TBC1D1: variants seen among roughly 807,000 people sequenced by gnomAD.
TBC1D1 encodes TBC1 (tre-2/USP6, BUB2, cdc16) domain family, member 1.
A neutral mutation model predicts 125.6 loss-of-function variants in TBC1D1; 89 were observed. The ratio of observed to expected loss-of-function variants is 0.71; its 90% CI spans 0.60 to 0.85. The LOEUF (loss-of-function observed/expected upper bound fraction) is 0.85. TBC1D1 is among the 40% of genes least tolerant of loss of function. The pLI is 0.00. For missense variants in TBC1D1, 1,377 were observed against 1,469.2 expected (o/e 0.94, Z 1.03); for synonymous variants, 565 against 564.1 (o/e 1.00, Z -0.02).
intron 2 of TBC1D1, among the ~76,000 whole-genome samples, chr4:37,984,818 G>A (rs1033596330): frequency 1.1e-4 from 16 of 150,840 alleles, no homozygotes; most frequent in Admixed American, 3.3e-4. Context: ...ACTTAGCCTG[G>A]GTGACAGAGT....
At chr4:37,960,585 G>A (rs748044393) in intron 2 of TBC1D1, 9 of 1,613,992 alleles carry the variant, frequency 5.6e-6, no homozygotes, top group African/African-American at 5.3e-5. Flanking sequence ...CAAAACATAC[G>A]ATGCTCCATC....
intron 12 of TBC1D1, among the ~76,000 whole-genome samples, chr4:38,065,960 T>A (rs1753661159): frequency 6.6e-6 from 1 of 152,212 alleles, no homozygotes. Context: ...TTACTGCCCA[T>A]CTTTTAAGAG....
At chr4:38,020,764 C>A in intron 5 of TBC1D1, 69 bp downstream of exon 5, 2 of 1,391,308 alleles carry the variant, frequency 1.4e-6, no homozygotes, top group Admixed American at 3.4e-5. Context: ...ACTGATTTTT[C>A]TGTCCTTAGG....
Position 38,067,221 on chromosome 4 carries a change from C to G in TBC1D1, c.2050+12883C>G, listed in dbSNP as rs1753901321. Among the ~76,000 whole-genome samples, 3 of 152,112 alleles carry G rather than the reference C, an allele frequency of 2.0e-5. No individual in the cohort carries two copies. In the South Asian group the frequency reaches 6.2e-4, roughly 32 times the overall value. The stretch of plus-strand genomic sequence containing the variant: ...AAAGTAGGAACGTGGTAATTATGGT[C>G]TTATATAATTCTGAAAATGATTTCT... On this transcript the variant is annotated intron_variant, in intron 12 of 19. Transcript: ENST00000261439.
chr4:38,009,517 A>G (rs997904870), intron 2 of TBC1D1, among the ~76,000 whole-genome samples: 1 of 152,252 alleles, frequency 6.6e-6, no homozygotes, highest in African/African-American at 2.4e-5. Flanking sequence ...TTACACTTGC[A>G]GTGTATTTAT....
intron 1 of TBC1D1, among the ~76,000 whole-genome samples, chr4:37,893,695 A>C (rs1409896616): frequency 6.6e-6 from 1 of 152,120 alleles, no homozygotes; most frequent in Non-Finnish European, 1.5e-5. Context: ...GCATGGTGGC[A>C]TGTGCCTGTA....
At chr4:37,988,895 C>G (rs988513143) in intron 2 of TBC1D1, among the ~76,000 whole-genome samples, 1 of 152,160 alleles carries the variant, frequency 6.6e-6, no homozygotes, top group Non-Finnish European at 1.5e-5. Flanking sequence ...CACAACTGAC[C>G]AGCGTAAACA....
At position 38,105,501 on chromosome 4, in the gene TBC1D1, T is replaced by G. The variant is rs75525858; in HGVS notation, c.2557+2344T>G. On this transcript the variant is annotated intron_variant, in intron 15 of 19. Transcript: ENST00000261439. The stretch of plus-strand genomic sequence containing the variant: ...AGGTTTCTTACAAAGGTGTATTGTG[T>G]GATGCTGAGGATTGGAGTGTGATTG... 4.1e-3 allele frequency among the ~76,000 whole-genome samples: 631 copies of G among 152,212 alleles called. 5 individuals carry two copies. The highest frequency in any genetic ancestry group is 0.014 in the African/African-American group (586 of 41,512).
At chr4:38,127,415 T>A (rs1192237771) in intron 18 of TBC1D1, among the ~76,000 whole-genome samples, 1 of 150,648 alleles carries the variant, frequency 6.6e-6, no homozygotes, top group Non-Finnish European at 1.5e-5. Flanking sequence ...GACAGAGTCT[T>A]GCTCTGCTAC....
At chr4:37,983,875 A>C (rs1475566865) in intron 2 of TBC1D1, among the ~76,000 whole-genome samples, 1 of 152,180 alleles carries the variant, frequency 6.6e-6, no homozygotes, top group Non-Finnish European at 1.5e-5. Context: ...GAGTAGTTTC[A>C]TTGCCCTACC....
intron 2 of TBC1D1, among the ~76,000 whole-genome samples, chr4:37,976,047 G>C (rs765144576): frequency 2.2e-4 from 34 of 152,180 alleles, no homozygotes; most frequent in Non-Finnish European, 2.8e-4. Context: ...TTCACAAACA[G>C]TAATAGAGCA....
At chr4:38,052,113 A>T in intron 11 of TBC1D1, 53 bp downstream of exon 12, 1 of 1,532,768 alleles carries the variant, frequency 6.5e-7, no homozygotes, top group Non-Finnish European at 8.8e-7. Flanking sequence ...TGGGGAGTTC[A>T]CACTGATGAG....
chr4:38,001,969 C>G (rs1739176193), intron 2 of TBC1D1, among the ~76,000 whole-genome samples: 1 of 152,150 alleles, frequency 6.6e-6, no homozygotes, highest in South Asian at 2.1e-4. Flanking sequence ...CTAATTTATG[C>G]ATTTGAGAAC....
At chr4:38,006,770 C>CAT in intron 2 of TBC1D1, 1 of 466,474 alleles carries the variant, frequency 2.1e-6, no homozygotes, top group Non-Finnish European at 4.2e-6. Context: ...TGAGCCACTG[C>CAT]GCCTGGCCCA....
chr4:37,972,369 T>C (rs1019090667), intron 2 of TBC1D1, among the ~76,000 whole-genome samples: 2 of 151,000 alleles, frequency 1.3e-5, no homozygotes, highest in African/African-American at 4.9e-5. Context: ...TAATCTCAAC[T>C]ACTCAGGAGG....
At chr4:38,069,715 A>G (rs967779724) in intron 12 of TBC1D1, among the ~76,000 whole-genome samples, 6 of 152,104 alleles carry the variant, frequency 3.9e-5, no homozygotes, top group Non-Finnish European at 7.3e-5. Context: ...GTTTTCTTCC[A>G]GGTTTCGAGA....
At chr4:38,049,433 C>T (rs1380275983) in intron 10 of TBC1D1, among the ~76,000 whole-genome samples, 185 bp from the exon 11 acceptor site, 1 of 152,190 alleles carries the variant, frequency 6.6e-6, no homozygotes, top group African/African-American at 2.4e-5. Flanking sequence ...GCAGTGTGTC[C>T]TTGAGGAGCG....
chr4:38,099,160 C>T (rs1195341996), intron 14 of TBC1D1, among the ~76,000 whole-genome samples: 2 of 152,150 alleles, frequency 1.3e-5, no homozygotes, highest in Non-Finnish European at 2.9e-5. Flanking sequence ...AGAAACTAAT[C>T]AGCCAAAAAT....
intron 2 of TBC1D1, among the ~76,000 whole-genome samples, chr4:37,911,242 A>C (rs1302157878): frequency 1.3e-5 from 2 of 150,080 alleles, no homozygotes; most frequent in African/African-American, 4.9e-5. Context: ...GCAGTGGATC[A>C]GAGCCATGTG....
Sources: allele counts gnomAD v4.1 joint callset (sites outside exome capture counted in the v4.1 genomes callset), GRCh38; gene constraint gnomAD v4.1.1; transcripts MANE v1.5; gene names NCBI Gene and HGNC (gene_info 2026-07-23, HGNC 2026-07-21).